PDE1C: variants seen among roughly 807,000 people sequenced by gnomAD.
PDE1C encodes dual specificity calcium/calmodulin-dependent 3',5'-cyclic nucleotide phosphodiesterase 1C.
A neutral mutation model predicts 93.1 loss-of-function variants in PDE1C; 62 were observed. The ratio of observed to expected loss-of-function variants is 0.67; its 90% CI spans 0.54 to 0.82. PDE1C has a LOEUF of 0.82. PDE1C is among the 40% of genes least tolerant of loss of function. PDE1C has a pLI of 0.00. For synonymous variants in PDE1C, 325 were observed against 310.1 expected (o/e 1.05, Z -0.50); for missense variants, 742 against 884.6 (o/e 0.84, Z 2.04).
intron 1 of PDE1C, among the ~76,000 whole-genome samples, chr7:32,371,638 T>C (rs965599221): frequency 6.6e-6 from 1 of 152,168 alleles, no homozygotes; most frequent in Non-Finnish European, 1.5e-5. Flanking sequence ...AGCAACAAAA[T>C]ACTTACAAAT....
rs1789362274 is a variant in PDE1C at position 32,025,909 on chromosome 7, G to T, written c.128+25645C>A. Among the ~76,000 whole-genome samples the T allele has an allele frequency of 2.6e-5, 4 of 152,232 alleles. No individual in the cohort carries two copies. The South Asian group carries it at 8.3e-4, about 32-fold the overall frequency. ...CTGTGCCTTTTCAGGCCAACCACGT[G>T]CTGGCAGCGTCTGTTCCTTGTAAGA... On this transcript the variant is annotated intron_variant, in intron 2 of 17. Transcript: ENST00000396191.
intron 2 of PDE1C, among the ~76,000 whole-genome samples, chr7:31,889,465 A>G (rs1301582139): frequency 1.3e-5 from 2 of 152,228 alleles, no homozygotes; most frequent in African/African-American, 4.8e-5. Context: ...TTCCACATGC[A>G]GGGACCCACT....
intron 3 of PDE1C, among the ~76,000 whole-genome samples, chr7:31,879,611 T>C (rs927039647): frequency 6.6e-6 from 1 of 152,240 alleles, no homozygotes; most frequent in African/African-American, 2.4e-5. Context: ...AACCCAGTCC[T>C]CTGAAGTAGT....
intron 2 of PDE1C, among the ~76,000 whole-genome samples, chr7:32,042,089 C>A (rs1791897553): frequency 1.3e-5 from 2 of 152,128 alleles, no homozygotes; most frequent in South Asian, 4.1e-4. Flanking sequence ...CACTTGAGGT[C>A]AGGAGTTTGA....
intron 2 of PDE1C, among the ~76,000 whole-genome samples, chr7:32,033,414 G>A (rs191996428): frequency 6.6e-6 from 1 of 152,156 alleles, no homozygotes; most frequent in East Asian, 1.9e-4. Context: ...AGCATCAAAG[G>A]AGCGCAATTC....
At chr7:31,790,345 AT>A in intron 16 of PDE1C, 1 of 1,196,918 alleles carries the variant, frequency 8.4e-7, no homozygotes. Context: ...GGAGAAGGAA[AT>A]CTAGGGGACC....
At chr7:32,366,169 C>A (rs1784225553) in intron 1 of PDE1C, among the ~76,000 whole-genome samples, 1 of 151,942 alleles carries the variant, frequency 6.6e-6, no homozygotes, top group African/African-American at 2.4e-5. Context: ...TACAGATAGA[C>A]AATTCAACAA....
chr7:32,196,127 A>C (rs1804595059), intron 2 of PDE1C, among the ~76,000 whole-genome samples: 1 of 152,184 alleles, frequency 6.6e-6, no homozygotes, highest in African/African-American at 2.4e-5. Flanking sequence ...AGGCTGATTT[A>C]GATGAAAGGG....
Position 32,321,739 on chromosome 7 carries a change from G to A in PDE1C, c.310+106083C>T, listed in dbSNP as rs539166761. On this transcript the variant is annotated intron_variant, in intron 1 of 1. Transcript: ENST00000672256. ...CATTCAGTTTCTATACTTACCAACT[G>A]GCATAAATTTCCCAGGGCAGGGTTT... 1.1e-4 allele frequency among the ~76,000 whole-genome samples: 17 copies of A among 152,210 alleles called. No individual in the cohort carries two copies. In the South Asian group the frequency reaches 3.1e-3, roughly 28 times the overall value.
At chr7:32,333,091 A>G (rs1230825659) in intron 1 of PDE1C, among the ~76,000 whole-genome samples, 1 of 152,242 alleles carries the variant, frequency 6.6e-6, no homozygotes, top group Non-Finnish European at 1.5e-5. Flanking sequence ...TATGACAACT[A>G]AAGGCAATGT....
chr7:32,427,686 C>A (rs1267305005), intron 1 of PDE1C, among the ~76,000 whole-genome samples: 1 of 152,226 alleles, frequency 6.6e-6, no homozygotes, highest in Non-Finnish European at 1.5e-5. Flanking sequence ...AGAAATCAAT[C>A]CTAACTTGTA....
At chr7:32,108,226 A>G (rs1271574886) in intron 3 of PDE1C, among the ~76,000 whole-genome samples, 1 of 137,222 alleles carries the variant, frequency 7.3e-6, no homozygotes, top group Non-Finnish European at 1.6e-5. Flanking sequence ...ATAAAAAAGC[A>G]AGACAAAAAA....
chr7:32,273,597 C>G (rs879369154), intron 1 of PDE1C, among the ~76,000 whole-genome samples: 6 of 152,142 alleles, frequency 3.9e-5, no homozygotes, highest in African/African-American at 1.2e-4. Flanking sequence ...CTTCAGGGCT[C>G]AGGTGGCAGG....
chr7:31,960,547 T>G (rs1808797907), intron 2 of PDE1C, among the ~76,000 whole-genome samples: 1 of 152,196 alleles, frequency 6.6e-6, no homozygotes. Context: ...CAGTATTTTA[T>G]CATTGTACAG....
At chr7:31,640,586 T>C in the PDE1C span, among the ~76,000 whole-genome samples, 1 of 152,174 alleles carries the variant, frequency 6.6e-6, no homozygotes, top group South Asian at 2.1e-4. Context: ...GATCACTTGT[T>C]CCTGTTTCTC....
chr7:32,217,796 T>G (rs1806539930), intron 1 of PDE1C, among the ~76,000 whole-genome samples: 1 of 152,218 alleles, frequency 6.6e-6, no homozygotes, highest in South Asian at 2.1e-4. Flanking sequence ...TCCCAGTTGC[T>G]TAAAATGAGA....
At chr7:31,737,800 CAAA>C in the PDE1C span, among the ~76,000 whole-genome samples, 4 of 93,168 alleles carry the variant, frequency 4.3e-5, no homozygotes, top group African/African-American at 4.1e-5. Context: ...CACTCCATCT[CAAA>C]AAAAAAAAAA....
chr7:31,722,943 C>T, the PDE1C span, among the ~76,000 whole-genome samples: 2 of 152,134 alleles, frequency 1.3e-5, no homozygotes, highest in Non-Finnish European at 2.9e-5. Flanking sequence ...TTTCTCATAT[C>T]TTCATCCTTT....
chr7:32,005,950 T>C (rs1786192337), intron 2 of PDE1C, among the ~76,000 whole-genome samples: 1 of 152,218 alleles, frequency 6.6e-6, no homozygotes, highest in Non-Finnish European at 1.5e-5. Context: ...ATTTTTCCAG[T>C]ACTATAAAAG....
Sources: gnomAD v4.1 joint callset for allele counts (sites outside exome capture counted in the v4.1 genomes callset) on GRCh38, gnomAD v4.1.1 for gene constraint, MANE v1.5 for transcripts, NCBI Gene and HGNC (gene_info 2026-07-23, HGNC 2026-07-21) for gene names.